The following CRTC3 variants were observed in gnomAD, a reference collection of about 807,000 sequenced individuals.
The protein encoded by CRTC3 is CREB-regulated transcription coactivator 3.
In CRTC3, 26 loss-of-function variants were observed where a neutral mutation model predicts 74.5. The ratio of observed to expected loss-of-function variants is 0.35; its 90% confidence interval spans 0.26 to 0.48. CRTC3 has a LOEUF of 0.48. Among genes scored for constraint, CRTC3 ranks in the 20% least tolerant of loss-of-function variants. The probability of loss-of-function intolerance (pLI) is 0.99; values close to 1 mark genes in which losing one functional copy is unlikely to be tolerated. For missense variants in CRTC3, 760 were observed against 787.3 expected, an observed-to-expected ratio of 0.97 and a Z score of 0.41; for synonymous variants, 377 against 325.8, an observed-to-expected ratio of 1.16 and a Z score of -1.69.
chr15:90,547,337 C>G (rs929092127), intron 2 of CRTC3, among the ~76,000 whole-genome samples: 11 of 152,282 alleles, frequency 7.2e-5, no homozygotes, highest in African/African-American at 2.4e-4. Context: ...TTCTTCCTGT[C>G]TACTCCTTTT....
chr15:90,536,408 G>A (rs1179119269), intron 1 of CRTC3, among the ~76,000 whole-genome samples: 1 of 150,882 alleles, frequency 6.6e-6, no homozygotes, highest in East Asian at 1.9e-4. Context: ...GTGGTGGCGC[G>A]TGCCTGTATT....
chr15:90,590,540 A>G (rs1401309535), intron 2 of CRTC3, among the ~76,000 whole-genome samples: 1 of 152,010 alleles, frequency 6.6e-6, no homozygotes, highest in Non-Finnish European at 1.5e-5. Flanking sequence ...TTGTATTTTT[A>G]GTAGAGGCAG....
At chr15:90,631,177 G>T (rs1286820639) in intron 11 of CRTC3, among the ~76,000 whole-genome samples, 1 of 152,186 alleles carries the variant, frequency 6.6e-6, no homozygotes, top group Non-Finnish European at 1.5e-5. Flanking sequence ...CTTGTTATTG[G>T]TCACTCTTTA....
At chr15:90,578,002 C>T (rs973144463) in intron 2 of CRTC3, among the ~76,000 whole-genome samples, 17 of 152,268 alleles carry the variant, frequency 1.1e-4, no homozygotes, top group African/African-American at 2.6e-4. Context: ...CTCCATCTCC[C>T]GGATTCAGCA....
chr15:90,612,156 C>T (rs1167705123), intron 6 of CRTC3, among the ~76,000 whole-genome samples: 1 of 150,380 alleles, frequency 6.6e-6, no homozygotes, highest in East Asian at 2.0e-4. Context: ...TCTAAATCTT[C>T]CAGGTACTAC....
rs1968090917 is a variant in CRTC3, at chr15:90,602,336, G to C, written c.364G>C (p.Ala122Pro). The change falls in exon 4 of 15, where the codon GCT becomes CCT. Residue 122 changes from alanine to proline, a missense_variant. Ala to Pro is a conservative substitution (Grantham distance 27, BLOSUM62 -1). This residue lies in a region of CRTC3 where 652 missense variants were observed against 635.2 expected (regional missense o/e 1.03). Coordinates refer to ENST00000268184, the MANE Select transcript of CRTC3 (RefSeq NM_022769.5). Reference sequence around the variant, plus strand: ...TTAAAAATTCTACTTTGATGGTAGTGCTTTTGGAGCCAATTATTCCTCACA... The same window carrying C: ...TTAAAAATTCTACTTTGATGGTAGTCCTTTTGGAGCCAATTATTCCTCACA... ...DKPGRQFDGSAFGANYSSQPL... is the reference protein window; with the variant it reads ...DKPGRQFDGSPFGANYSSQPL... 6.3e-7 allele frequency: 1 copy of C among 1,591,550 alleles called. No individual in the cohort carries two copies. The highest frequency in any genetic ancestry group is 8.6e-7 in the Non-Finnish European group (1 of 1,160,592).
At chr15:90,545,858 G>A (rs185069350) in intron 2 of CRTC3, among the ~76,000 whole-genome samples, 271 of 152,300 alleles carry the variant, frequency 1.8e-3, no homozygotes, top group East Asian at 2.5e-3. Context: ...GATTACAGGC[G>A]TGAGCCACTG....
Position 90,638,122 on chromosome 15 carries a change from C to T in CRTC3, c.1267-324C>T, listed in dbSNP as rs1969305291. The T allele has an allele frequency of 1.7e-5, 5 of 296,286 alleles. No individual in the cohort carries two copies. The South Asian group carries it at 2.8e-4, about 16-fold the overall frequency. 18.4% of individuals were successfully genotyped at this position (296,286 alleles called of 1,614,324 possible). A position where few individuals can be genotyped will look rare whatever the true frequency, so the allele number is the denominator to read the frequency against. On this transcript the variant is annotated intron_variant, in intron 11 of 14. Transcript: ENST00000268184. The stretch of plus-strand genomic sequence containing the variant: ...GCTAAGGGCCTTTTTCAATTTTCCA[C>T]TTTTAACCAGAAGACACGGCTATAA...
intron 2 of CRTC3, among the ~76,000 whole-genome samples, chr15:90,575,943 T>A (rs1189216401): frequency 6.6e-6 from 1 of 152,208 alleles, no homozygotes; most frequent in Non-Finnish European, 1.5e-5. Context: ...CAGCTAAGGA[T>A]ATGATCAGAT....
rs1966594840 is a variant in CRTC3 at position 90,529,927 on chromosome 15, C to G, written c.-145C>G. 2 of 501,314 alleles carry G rather than the reference C, an allele frequency of 4.0e-6. No homozygotes were observed. Among genetic ancestry groups the G allele is most frequent in the Admixed American group, 6.2e-5 (1 of 16,206 alleles). The allele number at this position is 501,314 out of a possible 1,614,324, so 31.1% of individuals were successfully genotyped here. On this transcript the variant is annotated 5_prime_UTR_variant, in exon 1 of 15. Coordinates refer to ENST00000268184, the MANE Select transcript of CRTC3 (RefSeq NM_022769.5). ...GCGCGCTCCCGGCCGCTCGCTGGCTCCGGGGCCGCGGCGGCTCCTCTGCCG... is the reference window on the plus strand; with the variant it reads ...GCGCGCTCCCGGCCGCTCGCTGGCTGCGGGGCCGCGGCGGCTCCTCTGCCG...
In CRTC3 at chr15:90,530,978, A is replaced by AG. The variant is rs1039622486; in HGVS notation, c.132+781dup. Among the ~76,000 whole-genome samples, 8 of 151,208 alleles carry AG rather than the reference A, an allele frequency of 5.3e-5. No homozygotes were observed. Among genetic ancestry groups the AG allele is most frequent in the Non-Finnish European group, 8.8e-5 (6 of 67,832 alleles). ...GAGTGTCCGCGCAGGGTTGCAGAGA[A>AG]GGGGGGTCAGCAGGAGTGGGGCTGG... On this transcript the variant is annotated intron_variant, in intron 1 of 14. Transcript: ENST00000268184. This position sits in a 1 kb window ranked among gnomAD's most constrained non-coding sequence, Gnocchi z 6.2.
intron 11 of CRTC3, among the ~76,000 whole-genome samples, chr15:90,630,717 T>C (rs1969005479): frequency 6.6e-6 from 1 of 151,850 alleles, no homozygotes. Flanking sequence ...AGGAATGTGT[T>C]TTCAACCTTT....
At chr15:90,587,668 T>A (rs1967696806) in intron 2 of CRTC3, among the ~76,000 whole-genome samples, 1 of 152,104 alleles carries the variant, frequency 6.6e-6, no homozygotes, top group Non-Finnish European at 1.5e-5. Flanking sequence ...GTCTGGAGTG[T>A]AGTGGCAGGA....
intron 2 of CRTC3, among the ~76,000 whole-genome samples, chr15:90,559,459 C>T (rs1474089582): frequency 1.3e-5 from 2 of 152,148 alleles, no homozygotes; most frequent in Non-Finnish European, 2.9e-5. Context: ...CTGTCAATTA[C>T]TGGTTGAATT....
At chr15:90,554,199 G>A (rs1966871268) in intron 2 of CRTC3, among the ~76,000 whole-genome samples, 2 of 150,762 alleles carry the variant, frequency 1.3e-5, no homozygotes, top group African/African-American at 2.4e-5. Context: ...CATTAGAGGT[G>A]TTTCCTCTTT....
chr15:90,540,570 C>T (rs768582454), intron 2 of CRTC3, among the ~76,000 whole-genome samples: 11 of 151,998 alleles, frequency 7.2e-5, no homozygotes, highest in South Asian at 4.2e-4. Context: ...GTCAGGAGTT[C>T]GAGACCAGCC....
chr15:90,624,549 CTG>C (rs1968762465), intron 9 of CRTC3, among the ~76,000 whole-genome samples: 1 of 152,336 alleles, frequency 6.6e-6, no homozygotes, highest in South Asian at 2.1e-4. Context: ...CACGCACACA[CTG>C]TGTCACATCC....
At position 90,638,778 on chromosome 15, in the gene CRTC3, A is replaced by G. The variant is rs766468974; in HGVS notation, c.1511A>G (p.Gln504Arg). The G allele has an allele frequency of 1.2e-6, 2 of 1,614,194 alleles. No homozygotes were observed. Among genetic ancestry groups the G allele is most frequent in the East Asian group, 4.5e-5 (2 of 44,872 alleles). Residue 504 changes from glutamine to arginine, a missense_variant, in exon 13 of 15, where the codon CAG becomes CGG. This residue lies in a region of CRTC3 where 652 missense variants were observed against 635.2 expected (regional missense o/e 1.03). Coordinates refer to ENST00000268184, the MANE Select transcript of CRTC3 (RefSeq NM_022769.5). ...TNFFPDVGFD[Q>R]QSMRPGPAFP... is the part of the protein sequence containing the mutation. ...TTCTTCCCAGATGTGGGTTTTGACC[A>G]GCAGTCCATGAGGCCAGGCCCTGCC...
At chr15:90,545,757 T>G (rs1011697387) in intron 2 of CRTC3, among the ~76,000 whole-genome samples, 1 of 152,128 alleles carries the variant, frequency 6.6e-6, no homozygotes, top group East Asian at 1.9e-4. Context: ...TTTTTGTATT[T>G]TTAGTAGAGA....
Sources: allele counts gnomAD v4.1 joint callset (sites outside exome capture counted in the v4.1 genomes callset), GRCh38; gene constraint gnomAD v4.1.1; regional missense constraint gnomAD v4.1.1; non-coding constraint Gnocchi (gnomAD v3.1); transcripts MANE v1.5; gene names NCBI Gene and HGNC (gene_info 2026-07-23, HGNC 2026-07-21).